The following AZIN2 variants were observed in gnomAD, a reference collection of about 807,000 sequenced individuals.
AZIN2 encodes the protein antizyme inhibitor 2.
Under a neutral mutation model 47.8 loss-of-function variants are expected in AZIN2, and 28 were observed. The ratio of observed to expected loss-of-function variants is 0.59; its 90% CI spans 0.43 to 0.80. AZIN2 has a LOEUF of 0.80. Among genes scored for constraint, AZIN2 ranks in the 30% least tolerant of loss-of-function variants. AZIN2 has a pLI of 0.00. For missense variants in AZIN2, 535 were observed against 582.5 expected, an observed-to-expected ratio of 0.92 and a Z score of 0.84; for synonymous variants, 221 against 239.4, an observed-to-expected ratio of 0.92 and a Z score of 0.71.
At chr1:33,159,122 G>T in the AZIN2 span, among the ~76,000 whole-genome samples, 1 of 152,200 alleles carries the variant, frequency 6.6e-6, no homozygotes, top group Admixed American at 6.5e-5. This position sits in a 1 kb window ranked among gnomAD's most constrained non-coding sequence, Gnocchi z 4.2. Flanking sequence ...TGGGATTACA[G>T]GTGTGAGCCA....
intron 5 of AZIN2, among the ~76,000 whole-genome samples, chr1:33,084,497 A>G (rs753031109): frequency 6.6e-6 from 1 of 151,888 alleles, no homozygotes; most frequent in Non-Finnish European, 1.5e-5. Context: ...GTGGCGGTGC[A>G]TTTTCTTAAC....
intron 5 of AZIN2, among the ~76,000 whole-genome samples, chr1:33,084,752 C>T (rs990731163): frequency 5.3e-5 from 8 of 152,072 alleles, no homozygotes; most frequent in East Asian, 1.9e-4. Flanking sequence ...TGCACACCAC[C>T]GTACCTGGCT....
the AZIN2 span, among the ~76,000 whole-genome samples, chr1:33,129,227 C>T: frequency 1.3e-5 from 2 of 151,944 alleles, no homozygotes; most frequent in Admixed American, 6.6e-5. The surrounding 1 kb of genome is among the most constrained non-coding windows in gnomAD (Gnocchi z 4.1). Context: ...TAAGACAGAC[C>T]CTAAGATTAA....
At chr1:33,162,674 G>A in the AZIN2 span, among the ~76,000 whole-genome samples, 3 of 152,268 alleles carry the variant, frequency 2.0e-5, no homozygotes, top group Admixed American at 6.5e-5. Flanking sequence ...TCTCAAGGAC[G>A]AGAGAGGATG....
At chr1:33,105,189 A>G (rs1288603219) in intron 10 of AZIN2, among the ~76,000 whole-genome samples, 1 of 152,224 alleles carries the variant, frequency 6.6e-6, no homozygotes, top group Non-Finnish European at 1.5e-5. Flanking sequence ...ATGCTGTAAC[A>G]TTTTGAAAGA....
chr1:33,151,165 G>A, the AZIN2 span, among the ~76,000 whole-genome samples: 20 of 152,240 alleles, frequency 1.3e-4, no homozygotes, highest in East Asian at 2.9e-3. Flanking sequence ...GAGACCAGTA[G>A]ACAAAGATAA....
At chr1:33,136,897 T>C in the AZIN2 span, among the ~76,000 whole-genome samples, 1 of 151,020 alleles carries the variant, frequency 6.6e-6, no homozygotes, top group Admixed American at 6.6e-5. Flanking sequence ...CTTGGGAGGC[T>C]GAGACAGGAT....
chr1:33,091,757 A>G (rs1642573962), intron 5 of AZIN2, among the ~76,000 whole-genome samples: 1 of 152,224 alleles, frequency 6.6e-6, no homozygotes, highest in Non-Finnish European at 1.5e-5. Context: ...CTTTACTGCC[A>G]GGAAGTTTTA....
the AZIN2 span, among the ~76,000 whole-genome samples, chr1:33,150,015 C>T: frequency 1.1e-4 from 17 of 152,310 alleles, no homozygotes; most frequent in East Asian, 7.7e-4. Context: ...CTGGCCACAC[C>T]GGCTTAGCAG....
At position 33,082,174 on chromosome 1, in the gene AZIN2, G is replaced by T. The variant is rs1218345651; in HGVS notation, c.-72-4G>T. ...GGTTCCCTTCATCTCCCCTCGCCCC[G>T]CAGTGTGTTGCATACTTTCTAAGGC... On this transcript the variant is annotated splice_region_variant and splice_polypyrimidine_tract_variant and intron_variant, in intron 3 of 11. Coordinates refer to ENST00000294517, the MANE Select transcript of AZIN2 (RefSeq NM_052998.4). 8.2e-7 allele frequency: 1 copy of T among 1,221,752 alleles called. No individual in the cohort carries two copies. The highest frequency in any genetic ancestry group is 1.2e-6 in the Non-Finnish European group (1 of 841,382). 75.7% of individuals were successfully genotyped at this position (1,221,752 alleles called of 1,614,324 possible).
At chr1:33,095,358 G>A (rs1643037968) in intron 8 of AZIN2, among the ~76,000 whole-genome samples, 1 of 152,152 alleles carries the variant, frequency 6.6e-6, no homozygotes, top group African/African-American at 2.4e-5. Context: ...TAATACTCAG[G>A]ATTTGTTAAA....
rs756158932 is a variant in AZIN2, at chr1:33,082,274, G to T, written c.25G>T (p.Asp9Tyr). 1 of 1,614,082 alleles carries T rather than the reference G, an allele frequency of 6.2e-7. No homozygotes were observed. Among genetic ancestry groups the T allele is most frequent in the Non-Finnish European group, 8.5e-7 (1 of 1,180,008 alleles). MAGYLSES[D>Y]FVMVEEGFST... ...CATGGCTGGCTACCTGAGTGAATCGGACTTTGTGATGGTGGAGGAGGGCTT... is the reference window on the plus strand; with the variant it reads ...CATGGCTGGCTACCTGAGTGAATCGTACTTTGTGATGGTGGAGGAGGGCTT... Residue 9 changes from aspartate to tyrosine, a missense_variant, in exon 4 of 12, where the codon GAC (aspartate) becomes TAC (tyrosine). Transcript: ENST00000294517.
At chr1:33,094,305 T>C (rs1245888796) in intron 7 of AZIN2, among the ~76,000 whole-genome samples, 3 of 152,194 alleles carry the variant, frequency 2.0e-5, no homozygotes, top group Non-Finnish European at 1.5e-5. Flanking sequence ...GTCCTGGCTC[T>C]CATCCCAGAA....
chr1:33,120,041 T>G lies in AZIN2; in HGVS notation c.1245-3T>G. ...ACTTGCAGCACCCCTCTCTCACCCC[T>G]AGGGAAGCGCTGCGAAGGCAGCTGA... On this transcript the variant is annotated splice_region_variant and splice_polypyrimidine_tract_variant and intron_variant, in intron 11 of 11. Coordinates refer to ENST00000294517, the MANE Select transcript of AZIN2 (RefSeq NM_052998.4). 6.2e-7 allele frequency: 1 copy of G among 1,613,620 alleles called. No individual in the cohort carries two copies. The highest frequency in any genetic ancestry group is 8.5e-7 in the Non-Finnish European group (1 of 1,179,904).
chr1:33,094,492 C>T, intron 7 of AZIN2, 56 bp from the exon 8 acceptor site: 2 of 1,559,130 alleles, frequency 1.3e-6, no homozygotes, highest in Admixed American at 1.7e-5. Context: ...GGCTGGGGCT[C>T]AGGTGGTGGC....
At chr1:33,101,496 A>AT (rs35912554) in intron 10 of AZIN2, among the ~76,000 whole-genome samples, 2,211 of 133,500 alleles carry the variant, frequency 0.017, 23 homozygotes, top group African/African-American at 0.021. Context: ...TCTGCCTGGT[A>AT]TTTTTTTTTT....
At chr1:33,091,895 G>C (rs1018896683) in intron 5 of AZIN2, among the ~76,000 whole-genome samples, 155 bp from the exon 6 acceptor site, 3 of 152,188 alleles carry the variant, frequency 2.0e-5, no homozygotes, top group African/African-American at 7.2e-5. Context: ...ATCCATGTAA[G>C]TCCTGATATC....
At chr1:33,128,190 C>T (rs577103544), downstream of AZIN2, among the ~76,000 whole-genome samples, 1 of 143,148 alleles carries the variant, frequency 7.0e-6, no homozygotes, top group Non-Finnish European at 1.5e-5. Context: ...AATAGTGAAA[C>T]TCCCCACCTC....
chr1:33,166,084 GA>G, the AZIN2 span: 1 of 152,400 alleles, frequency 6.6e-6, no homozygotes, highest in African/African-American at 2.4e-5. Context: ...ACAGGAGTGT[GA>G]ACTGCACATG....
Sources: gnomAD v4.1 joint callset for allele counts (sites outside exome capture counted in the v4.1 genomes callset) on GRCh38, gnomAD v4.1.1 for gene constraint, Gnocchi (gnomAD v3.1) non-coding constraint, MANE v1.5 for transcripts, NCBI Gene and HGNC (gene_info 2026-07-23, HGNC 2026-07-21) for gene names.